MCF2L: variants seen among roughly 807,000 people sequenced by gnomAD.
MCF2L encodes MCF.2 cell line derived transforming sequence like, also known as guanine nucleotide exchange factor DBS.
MCF2L carries 97 observed loss-of-function variants against 153.4 expected under a neutral mutation model. The ratio of observed to expected loss-of-function variants is 0.63; its 90% confidence interval spans 0.54 to 0.75. MCF2L has a LOEUF of 0.75. MCF2L is among the 30% of genes least tolerant of loss of function. The pLI, the probability that MCF2L is intolerant of heterozygous loss-of-function variation, is 0.00. For synonymous variants in MCF2L, 659 were observed against 632.2 expected (o/e 1.04, Z -0.64); for missense variants, 1,347 against 1,495.2 (o/e 0.90, Z 1.64).
chr13:113,070,217 G>C lies in MCF2L; in HGVS notation c.996+44G>C, dbSNP rs758763153. 1.2e-5 allele frequency: 16 copies of C among 1,339,784 alleles called. No individual in the cohort carries two copies. The highest frequency in any genetic ancestry group is 2.6e-5 in the East Asian group (1 of 38,154). The allele number at this position is 1,339,784 out of a possible 1,614,324, so 83.0% of individuals were successfully genotyped here. On this transcript the variant is annotated intron_variant, in intron 9 of 29. Coordinates refer to ENST00000535094, the MANE Select transcript of MCF2L (RefSeq NM_001112732.3). This position sits in a 1 kb window ranked among gnomAD's most constrained non-coding sequence, Gnocchi z 5.6. ...AGCCGGCAGCCGCCCTGATGCTCAC[G>C]GGGCCTCCTGTGCCTGCGCCCTGGT...
intron 25 of MCF2L, among the ~76,000 whole-genome samples, chr13:113,088,979 C>G (rs906176154): frequency 6.6e-6 from 1 of 152,260 alleles, no homozygotes; most frequent in African/African-American, 2.4e-5. Context: ...GGGCACGTTT[C>G]AGACTCCGAC....
In MCF2L at chr13:113,070,130, A is replaced by G; in HGVS notation, c.953A>G (p.Glu318Gly). The G allele has an allele frequency of 6.2e-7, 1 of 1,608,590 alleles. No homozygotes were observed. The highest frequency in any genetic ancestry group is 2.3e-5 in the East Asian group (1 of 44,222). The change falls in exon 9 of 30, where the codon GAG becomes GGG. Residue 318 changes from glutamate to glycine, a missense_variant. By Grantham distance (98) the Glu-to-Gly change is moderately conservative. Transcript: ENST00000535094. This position sits in a 1 kb window ranked among gnomAD's most constrained non-coding sequence, Gnocchi z 5.6. ...EFWAKHQQKL[E>G]QCLQLRHFEQ... ...TGGGCAAAGCATCAGCAGAAACTGG[A>G]GCAGTGTCTGCAGCTCCGGCACTTT...
chr13:113,083,497 G>A (rs1741488621), intron 17 of MCF2L, among the ~76,000 whole-genome samples: 1 of 152,212 alleles, frequency 6.6e-6, no homozygotes, highest in African/African-American at 2.4e-5. Context: ...GCTTTCAGCT[G>A]TTGTGCTCAT....
chr13:113,062,784 C>T (rs7983685), intron 5 of MCF2L, among the ~76,000 whole-genome samples: 3,399 of 152,230 alleles, frequency 0.022, 114 homozygotes, highest in East Asian at 0.075. Context: ...CTGTCCAAAC[C>T]CATGGATGGA....
intron 2 of MCF2L, among the ~76,000 whole-genome samples, chr13:112,911,361 G>C (rs554068428): frequency 6.6e-6 from 1 of 152,336 alleles, no homozygotes; most frequent in South Asian, 2.1e-4. Context: ...AGCTCCGCCC[G>C]GCACCGTCCA....
chr13:113,096,618 G>T lies in MCF2L; in HGVS notation c.3257G>T (p.Gly1086Val), dbSNP rs751084047. Residue 1086 changes from glycine to valine, a missense_variant, in exon 29 of 30, where the codon GGC (glycine) becomes GTC (valine). Gly to Val is a moderately radical substitution (Grantham distance 109, BLOSUM62 -3). This residue lies in a region of MCF2L where 383 missense variants were observed against 335.4 expected (regional missense o/e 1.14). Transcript: ENST00000535094. ...GCCAGCAGCCTGTCCGTCCGGCTCG[G>T]CCCGTCCGGCTCGGCCCAGTGCCTG... The part of the protein sequence containing the change: ...VPASSLSVRL[G>V]PSGSAQCLSS... 124 of 1,596,206 alleles carry T rather than the reference G, an allele frequency of 7.8e-5. No homozygotes were observed. Among genetic ancestry groups the T allele is most frequent in the Non-Finnish European group, 9.9e-5 (117 of 1,176,368 alleles).
chr13:112,913,133 T>C (rs549194808), intron 2 of MCF2L, among the ~76,000 whole-genome samples: 1 of 151,876 alleles, frequency 6.6e-6, no homozygotes, highest in East Asian at 1.9e-4. Flanking sequence ...TGTCTGATTG[T>C]GTGTCTGTGG....
At chr13:112,910,240 C>T (rs1375262432) in intron 2 of MCF2L, 4 of 152,194 alleles carry the variant, frequency 2.6e-5, no homozygotes, top group Admixed American at 2.6e-4. Flanking sequence ...GAATGCCAGT[C>T]CTTATCGATA....
chr13:113,024,595 C>T (rs777427008), intron 2 of MCF2L, 49 bp from the exon 3 acceptor site: 45 of 1,284,094 alleles, frequency 3.5e-5, no homozygotes, highest in Middle Eastern at 1.8e-4. Context: ...GTGGAACCCC[C>T]GGGGGCATGG....
chr13:113,081,240 A>T lies in MCF2L; in HGVS notation c.1836A>T (p.Thr612=), dbSNP rs2034102604. The T allele has an allele frequency of 6.3e-7, 1 of 1,593,186 alleles. No individual in the cohort carries two copies. Among genetic ancestry groups the T allele is most frequent in the South Asian group, 1.2e-5 (1 of 86,826 alleles). Residue 612 remains threonine (T), a synonymous_variant, in exon 16 of 30, where the codon ACA becomes ACT. Transcript: ENST00000535094. The part of the protein sequence containing the change: ...RRHVMSELLD[T]ERAYVEELLC... ...ACGTGATGAGCGAGCTCCTGGACACAGAACGGGCCTACGTGGAGGAGCTGC... is the reference window on the plus strand; with the variant it reads ...ACGTGATGAGCGAGCTCCTGGACACTGAACGGGCCTACGTGGAGGAGCTGC...
At chr13:113,076,985 C>T in intron 12 of MCF2L, 67 bp from the exon 13 acceptor site, 1 of 1,533,270 alleles carries the variant, frequency 6.5e-7, no homozygotes, top group Non-Finnish European at 8.9e-7. Context: ...ACGTTCTGCG[C>T]CTGACTGTGT....
At chr13:112,976,142 G>GT (rs35742533) in intron 1 of MCF2L, among the ~76,000 whole-genome samples, 46 of 150,066 alleles carry the variant, frequency 3.1e-4, no homozygotes, top group South Asian at 1.5e-3. Context: ...AATGTTCCGG[G>GT]TTTTTTTTTT....
In MCF2L at chr13:113,096,631, G is replaced by A. The variant is rs1828571050; in HGVS notation, c.3270G>A (p.Ser1090=). The stretch of plus-strand genomic sequence containing the variant: ...CCGTCCGGCTCGGCCCGTCCGGCTC[G>A]GCCCAGTGCCTGAGCAGCTCAGGTA... ...SLSVRLGPSG[S]AQCLSSSESS... Residue 1090 remains serine (S), a synonymous_variant, in exon 29 of 30, where the codon TCG becomes TCA. Transcript: ENST00000535094. 1.2e-5 allele frequency: 19 copies of A among 1,591,392 alleles called. No homozygotes were observed. The East Asian group carries it at 2.9e-4, about 25-fold the overall frequency.
At chr13:112,912,716 T>A (rs552579086) in intron 2 of MCF2L, among the ~76,000 whole-genome samples, 1 of 152,318 alleles carries the variant, frequency 6.6e-6, no homozygotes, top group South Asian at 2.1e-4. Flanking sequence ...ATATTTTATA[T>A]CCTTCTTTTC....
At chr13:113,086,898 T>C (rs1004095043) in intron 21 of MCF2L, among the ~76,000 whole-genome samples, 2 of 152,170 alleles carry the variant, frequency 1.3e-5, no homozygotes, top group Non-Finnish European at 2.9e-5. Context: ...TGATGCTGAT[T>C]AGTGACTGAG....
In MCF2L at chr13:112,960,273, C is replaced by T. The variant is rs1000265022; in HGVS notation, c.170-54490C>T. ...GAGACGGCCTCACCCGGTGAGAGAG[C>T]GGAGAGACCGAGAGGGGGCCAAGCG... On this transcript the variant is annotated intron_variant, in intron 2 of 29. Coordinates refer to the MCF2L transcript ENST00000375608. This position sits in a 1 kb window ranked among gnomAD's most constrained non-coding sequence, Gnocchi z 4.2. 3.3e-5 allele frequency among the ~76,000 whole-genome samples: 5 copies of T among 152,084 alleles called. No homozygotes were observed. The highest frequency in any genetic ancestry group is 1.2e-4 in the African/African-American group (5 of 41,404).
chr13:113,078,835 G>C, intron 15 of MCF2L, 96 bp downstream of exon 15: 1 of 1,087,398 alleles, frequency 9.2e-7, no homozygotes, highest in South Asian at 1.5e-5. Flanking sequence ...CTCACAGATA[G>C]AAGGCTGGTG....
chr13:113,027,101 T>C lies in MCF2L; in HGVS notation c.278+2343T>C. The stretch of plus-strand genomic sequence containing the variant: ...TCTGTATCCCGCACATTACATAAGG[T>C]GGCAAAACACAGAGGAGATGTTTAA... On this transcript the variant is annotated intron_variant, in intron 3 of 29. Coordinates refer to ENST00000535094, the MANE Select transcript of MCF2L (RefSeq NM_001112732.3). This position sits in a 1 kb window ranked among gnomAD's most constrained non-coding sequence, Gnocchi z 4.8. 1.4e-6 allele frequency: 1 copy of C among 733,172 alleles called. No homozygotes were observed. The allele number at this position is 733,172 out of a possible 1,614,324, so 45.4% of individuals were successfully genotyped here. A position where few individuals can be genotyped will look rare whatever the true frequency, so the allele number is the denominator to read the frequency against.
chr13:112,923,507 A>G (rs1354216168), intron 2 of MCF2L, among the ~76,000 whole-genome samples: 1 of 151,894 alleles, frequency 6.6e-6, no homozygotes, highest in African/African-American at 2.4e-5. Context: ...CTGGTGATCT[A>G]CCTGCCTCGG....
Sources: allele counts gnomAD v4.1 joint callset (sites outside exome capture counted in the v4.1 genomes callset), GRCh38; gene constraint gnomAD v4.1.1; regional missense constraint gnomAD v4.1.1; non-coding constraint Gnocchi (gnomAD v3.1); transcripts MANE v1.5; gene names NCBI Gene and HGNC (gene_info 2026-07-23, HGNC 2026-07-21).